Variants in RARS2 observed in about 807,000 individuals in gnomAD.
The protein encoded by RARS2 is probable arginine--tRNA ligase, mitochondrial.
Under a neutral mutation model 88.5 loss-of-function variants are expected in RARS2, and 67 were observed. The observed-to-expected ratio is 0.76, with a 90% CI of 0.62 to 0.93. RARS2 has a LOEUF of 0.93. Ranked by LOEUF, RARS2 falls within the 40% of genes least tolerant of loss-of-function variation. The probability of loss-of-function intolerance (pLI) is 0.00; values close to 1 mark genes in which losing one functional copy is unlikely to be tolerated. For missense variants in RARS2, 664 were observed against 684.2 expected (o/e 0.97, Z 0.33); for synonymous variants, 239 against 230.3 (o/e 1.04, Z -0.34).
intron 8 of RARS2, among the ~76,000 whole-genome samples, chr6:87,534,240 T>C (rs1417905544): frequency 2.0e-5 from 3 of 152,288 alleles, no homozygotes; most frequent in East Asian, 3.9e-4. Context: ...CAAAATGTGG[T>C]AGGTAAAAAA....
chr6:87,522,159 G>A (rs1001763534), intron 11 of RARS2, among the ~76,000 whole-genome samples: 5 of 151,886 alleles, frequency 3.3e-5, no homozygotes, highest in East Asian at 1.9e-4. Flanking sequence ...GTGAAACCCC[G>A]TCTCTACTAA....
rs116427963 is a variant in RARS2 at position 87,571,823 on chromosome 6, C to A, written c.37-2233G>T. On this transcript the variant is annotated intron_variant, in intron 1 of 19. Transcript: ENST00000369536. Reference sequence around the variant, plus strand: ...CAAACTTGCAGACCTGGAGACGTCACTTTCTTTAAGAGGCTTGTACATTTC... The same window carrying A: ...CAAACTTGCAGACCTGGAGACGTCAATTTCTTTAAGAGGCTTGTACATTTC... 3.7e-3 allele frequency among the ~76,000 whole-genome samples: 556 copies of A among 152,318 alleles called. 4 individuals are homozygous for A. The highest frequency in any genetic ancestry group is 0.012 in the African/African-American group (515 of 41,568).
chr6:87,523,936 G>A (rs771321544), intron 11 of RARS2, among the ~76,000 whole-genome samples: 11 of 152,104 alleles, frequency 7.2e-5, no homozygotes, highest in African/African-American at 2.2e-4. Context: ...GGGAAATGTC[G>A]AAAAGTAATA....
chr6:87,529,797 C>T (rs1164874441), intron 9 of RARS2, 149 bp from the exon 10 acceptor site: 1 of 658,362 alleles, frequency 1.5e-6, no homozygotes, highest in African/African-American at 1.8e-5. Context: ...GGCTCATGCC[C>T]ATAATCCCAG....
intron 10 of RARS2, among the ~76,000 whole-genome samples, chr6:87,525,091 A>G (rs1775227403): frequency 6.6e-6 from 1 of 152,234 alleles, no homozygotes; most frequent in South Asian, 2.1e-4. Context: ...CAAAATTTGG[A>G]ATCTGTATAT....
Position 87,519,680 on chromosome 6 carries a change from T to A in RARS2, c.1140A>T (p.Val380=), listed in dbSNP as rs1457225606. Residue 380 remains valine (V), a synonymous_variant, in exon 14 of 20, where the codon GTA becomes GTT. Transcript: ENST00000369536. The part of the protein sequence containing the change: ...ERCQHVPFGV[V]QGMKTRRGDV... ...CTCCTCTTCGAGTCTTCATTCCCTGTACTACTCCAAAGGGCACGTGCTGGC... is the reference window on the plus strand; with the variant it reads ...CTCCTCTTCGAGTCTTCATTCCCTGAACTACTCCAAAGGGCACGTGCTGGC... 6.2e-7 allele frequency: 1 copy of A among 1,613,914 alleles called. No individual in the cohort carries two copies. The highest frequency in any genetic ancestry group is 1.1e-5 in the South Asian group (1 of 91,078).
At chr6:87,521,868 C>T (rs1013893153) in intron 11 of RARS2, among the ~76,000 whole-genome samples, 3 of 152,132 alleles carry the variant, frequency 2.0e-5, no homozygotes, top group Middle Eastern at 3.2e-3. Context: ...TAAGTCTCTA[C>T]TAAAAAGAAT....
At chr6:87,518,994 AAC>A in intron 14 of RARS2, 103 bp from the exon 15 acceptor site, 2 of 1,126,558 alleles carry the variant, frequency 1.8e-6, no homozygotes, top group Non-Finnish European at 2.7e-6. Context: ...GACAATCAAG[AAC>A]AGATTCAGAA....
intron 1 of RARS2, among the ~76,000 whole-genome samples, chr6:87,585,348 A>T (rs1582910233): frequency 6.6e-6 from 1 of 152,356 alleles, no homozygotes; most frequent in East Asian, 1.9e-4. Flanking sequence ...AAAACAAAAC[A>T]ATTACTCTTA....
At chr6:87,519,910 A>G (rs751525741) in intron 13 of RARS2, among the ~76,000 whole-genome samples, 12 of 152,256 alleles carry the variant, frequency 7.9e-5, no homozygotes, top group Non-Finnish European at 1.8e-4. Context: ...TGATTACACT[A>G]CTAGTTGCCT....
chr6:87,580,953 C>T (rs1176657689), intron 1 of RARS2, among the ~76,000 whole-genome samples: 1 of 152,030 alleles, frequency 6.6e-6, no homozygotes, highest in Admixed American at 6.6e-5. Context: ...ATTTAGGAAC[C>T]TAGTATCAGA....
intron 5 of RARS2, 142 bp downstream of exon 5, chr6:87,555,266 G>A: frequency 3.2e-6 from 2 of 631,994 alleles, no homozygotes; most frequent in Non-Finnish European, 5.6e-6. Context: ...TTGATTCACT[G>A]TGATTTCAAG....
intron 4 of RARS2, among the ~76,000 whole-genome samples, chr6:87,558,148 G>C (rs1464612200): frequency 6.6e-6 from 1 of 150,566 alleles, no homozygotes; most frequent in Non-Finnish European, 1.5e-5. Flanking sequence ...TTGCACTCCA[G>C]CATGGGCAAC....
chr6:87,577,193 T>C (rs892951409), intron 1 of RARS2, among the ~76,000 whole-genome samples: 2 of 151,528 alleles, frequency 1.3e-5, no homozygotes, highest in African/African-American at 4.9e-5. Flanking sequence ...TTGACTCTTT[T>C]GTTGTTGTTG....
chr6:87,566,243 CAG>C (rs1653674912), intron 2 of RARS2, among the ~76,000 whole-genome samples: 1 of 152,124 alleles, frequency 6.6e-6, no homozygotes, highest in Non-Finnish European at 1.5e-5. Flanking sequence ...ATTTTAAAAA[CAG>C]AATTATGTCA....
intron 1 of RARS2, among the ~76,000 whole-genome samples, chr6:87,580,420 A>G (rs1054076790): frequency 6.6e-6 from 1 of 152,058 alleles, no homozygotes; most frequent in Non-Finnish European, 1.5e-5. Context: ...AATTAGGCAC[A>G]GTCCTTGAGA....
At chr6:87,536,574 T>C (rs187275543) in intron 8 of RARS2, among the ~76,000 whole-genome samples, 1 of 151,076 alleles carries the variant, frequency 6.6e-6, no homozygotes, top group Admixed American at 6.6e-5. Context: ...GAGGCAGAGG[T>C]TGCAGTGAGC....
intron 4 of RARS2, among the ~76,000 whole-genome samples, chr6:87,557,080 A>G (rs1786194045): frequency 6.6e-6 from 1 of 152,164 alleles, no homozygotes; most frequent in Admixed American, 6.5e-5. Flanking sequence ...ATAACAATCG[A>G]CATTTAAGAA....
chr6:87,540,609 A>G (rs1780627704), intron 8 of RARS2, among the ~76,000 whole-genome samples: 1 of 152,154 alleles, frequency 6.6e-6, no homozygotes, highest in Admixed American at 6.5e-5. Flanking sequence ...TTTCTCACAC[A>G]CAAGCAGAAC....
Sources: gnomAD v4.1 joint callset for allele counts (sites outside exome capture counted in the v4.1 genomes callset) on GRCh38, gnomAD v4.1.1 for gene constraint, MANE v1.5 for transcripts, NCBI Gene and HGNC (gene_info 2026-07-23, HGNC 2026-07-21) for gene names.